PLXNA2: variants seen among roughly 807,000 people sequenced by gnomAD.
PLXNA2 encodes plexin A2.
In PLXNA2, 91 loss-of-function variants were observed where a neutral mutation model predicts 193.5. The observed-to-expected ratio is 0.47, with a 90% CI of 0.40 to 0.56. PLXNA2 has a LOEUF of 0.56. Among genes scored for constraint, PLXNA2 ranks in the 20% least tolerant of loss-of-function variants. PLXNA2 has a pLI of 0.00. For synonymous variants in PLXNA2, 997 were observed against 1,027.3 expected (o/e 0.97, Z 0.56); for missense variants, 1,995 against 2,503.2 (o/e 0.80, Z 4.33).
intron 12 of PLXNA2, among the ~76,000 whole-genome samples, chr1:208,075,749 C>G (rs1021998843): frequency 1.3e-5 from 2 of 151,798 alleles, no homozygotes; most frequent in African/African-American, 4.8e-5. Context: ...GCTTTTCTCT[C>G]TATTTATTTA....
chr1:208,061,714 C>T (rs1158545409), intron 12 of PLXNA2, among the ~76,000 whole-genome samples: 1 of 152,184 alleles, frequency 6.6e-6, no homozygotes, highest in Non-Finnish European at 1.5e-5. Context: ...CCAGGTCTCT[C>T]AAGATGTAAT....
intron 3 of PLXNA2, among the ~76,000 whole-genome samples, chr1:208,190,726 T>C (rs957994059): frequency 6.6e-6 from 1 of 152,230 alleles, no homozygotes; most frequent in East Asian, 1.9e-4. Flanking sequence ...TCACCTCCAG[T>C]TGGAAACCAC....
intron 4 of PLXNA2, among the ~76,000 whole-genome samples, chr1:208,127,679 G>T (rs1668014648): frequency 6.6e-6 from 1 of 152,160 alleles, no homozygotes; most frequent in South Asian, 2.1e-4. Context: ...AAGGGAAAAG[G>T]ATGAAAACAA....
intron 9 of PLXNA2, among the ~76,000 whole-genome samples, chr1:208,085,075 A>T (rs532114399): frequency 7.7e-6 from 1 of 130,172 alleles, no homozygotes; most frequent in African/African-American, 2.8e-5. Flanking sequence ...TACTCTAAAC[A>T]CTTGCTCTGT....
At chr1:208,102,693 G>A (rs751300750) in intron 5 of PLXNA2, among the ~76,000 whole-genome samples, 1 of 152,210 alleles carries the variant, frequency 6.6e-6, no homozygotes, top group South Asian at 2.1e-4. Context: ...GAGAAACAGA[G>A]GCCTGGAGTT....
chr1:208,244,015 G>A lies in PLXNA2; in HGVS notation c.-453C>T, dbSNP rs1672151578. The A allele has an allele frequency of 6.6e-6, 1 of 152,340 alleles. No homozygotes were observed. The highest frequency in any genetic ancestry group is 6.5e-5 in the Admixed American group (1 of 15,288). The allele number at this position is 152,340 out of a possible 1,614,324, so 9.4% of individuals were successfully genotyped here. On this transcript the variant is annotated 5_prime_UTR_variant, in exon 1 of 32. Coordinates refer to ENST00000367033, the MANE Select transcript of PLXNA2 (RefSeq NM_025179.4). ...CCGGCTGTCTTCAGATTTTTCCAGCGCGACTTTCCGGGCTCCTCTGACATC... is the reference window on the plus strand; with the variant it reads ...CCGGCTGTCTTCAGATTTTTCCAGCACGACTTTCCGGGCTCCTCTGACATC...
At chr1:208,042,926 T>G in intron 21 of PLXNA2, 135 bp downstream of exon 21, 154 of 804,964 alleles carry the variant, frequency 1.9e-4, no homozygotes, top group Non-Finnish European at 2.6e-4. Flanking sequence ...GCTCTGTTGC[T>G]GAGATGCTGT....
intron 4 of PLXNA2, among the ~76,000 whole-genome samples, chr1:208,115,827 A>G (rs937875626): frequency 2.0e-5 from 3 of 152,220 alleles, no homozygotes; most frequent in African/African-American, 7.2e-5. Flanking sequence ...CAAATCAGGG[A>G]AGGCTTTCAA....
At chr1:208,097,246 C>A (rs17187086) in intron 6 of PLXNA2, among the ~76,000 whole-genome samples, 47,964 of 152,028 alleles carry the variant, frequency 0.32, 7,932 homozygotes, top group South Asian at 0.38. Context: ...AAAGCAAGTC[C>A]TGAGCCGAGC....
chr1:208,080,174 C>G (rs1023961664), intron 11 of PLXNA2, among the ~76,000 whole-genome samples: 6 of 151,978 alleles, frequency 3.9e-5, no homozygotes, highest in Non-Finnish European at 7.4e-5. Flanking sequence ...TAAAGAAAGG[C>G]CAGGTGGCTA....
At chr1:208,165,557 C>T (rs1669273921) in intron 3 of PLXNA2, among the ~76,000 whole-genome samples, 1 of 152,140 alleles carries the variant, frequency 6.6e-6, no homozygotes, top group Non-Finnish European at 1.5e-5. Flanking sequence ...TTCGCCTTAA[C>T]CCTCCCATTA....
At position 208,044,959 on chromosome 1, in the gene PLXNA2, T is replaced by A; in HGVS notation, c.3639+108A>T. ...TGTAGGACCCAGAGATGAGGAGATA[T>A]GGAGGGGGTGAGTCAGGCAACGAGA... is the stretch of plus-strand genomic sequence containing the variant. On this transcript the variant is annotated intron_variant, in intron 19 of 31. Transcript: ENST00000367033. This position sits in a 1 kb window ranked among gnomAD's most constrained non-coding sequence, Gnocchi z 4.9. 2.3e-6 allele frequency: 3 copies of A among 1,316,302 alleles called. No individual in the cohort carries two copies. The highest frequency in any genetic ancestry group is 3.2e-6 in the Non-Finnish European group (3 of 924,084). The allele number at this position is 1,316,302 out of a possible 1,614,324, so 81.5% of individuals were successfully genotyped here.
At chr1:208,055,394 A>C (rs1280365572) in intron 13 of PLXNA2, among the ~76,000 whole-genome samples, 1 of 150,792 alleles carries the variant, frequency 6.6e-6, no homozygotes, top group Non-Finnish European at 1.5e-5. Context: ...CCTTCTAGAA[A>C]GGGTGGGCAG....
Position 208,044,443 on chromosome 1 carries a change from G to A in PLXNA2, c.3874+65C>T, listed in dbSNP as rs1571855966. On this transcript the variant is annotated intron_variant, in intron 20 of 31. Transcript: ENST00000367033. The surrounding 1 kb of genome is among the most constrained non-coding windows in gnomAD (Gnocchi z 4.9). ...GAGTAAAGATAGGAGTTGTCTGCAG[G>A]GAGAAGGGCAATAAGGCAGGTGGAG... The A allele has an allele frequency of 1.8e-6, 2 of 1,127,042 alleles. No individual in the cohort carries two copies. The highest frequency in any genetic ancestry group is 1.5e-5 in the African/African-American group (1 of 65,578). The allele number at this position is 1,127,042 out of a possible 1,614,324, so 69.8% of individuals were successfully genotyped here. A position where few individuals can be genotyped will look rare whatever the true frequency, so the allele number is the denominator to read the frequency against.
At chr1:208,239,569 C>T (rs1293839637) in intron 1 of PLXNA2, among the ~76,000 whole-genome samples, 1 of 152,192 alleles carries the variant, frequency 6.6e-6, no homozygotes, top group Non-Finnish European at 1.5e-5. Flanking sequence ...TTGGTCAGGC[C>T]TTGGACCACA....
At chr1:208,240,673 C>A (rs1672018905) in intron 1 of PLXNA2, among the ~76,000 whole-genome samples, 1 of 150,284 alleles carries the variant, frequency 6.7e-6, no homozygotes, top group South Asian at 2.1e-4. Flanking sequence ...AAGCCTGTTT[C>A]TACCAGTTTC....
At chr1:208,077,796 C>T (rs1466053035) in intron 12 of PLXNA2, among the ~76,000 whole-genome samples, 1 of 152,094 alleles carries the variant, frequency 6.6e-6, no homozygotes, top group African/African-American at 2.4e-5. Context: ...TCCCTGGTCA[C>T]GATCAAGAAT....
At chr1:208,042,650 T>A (rs1410408782) in intron 21 of PLXNA2, among the ~76,000 whole-genome samples, 4 of 152,178 alleles carry the variant, frequency 2.6e-5, no homozygotes, top group Non-Finnish European at 4.4e-5. Context: ...GAATAGGAGA[T>A]GCCCCCTCAA....
chr1:208,164,197 G>T (rs1669223169), intron 3 of PLXNA2, among the ~76,000 whole-genome samples: 1 of 152,220 alleles, frequency 6.6e-6, no homozygotes, highest in Non-Finnish European at 1.5e-5. Context: ...TACAGGGGAA[G>T]ACTTCTGTGA....
Sources: gnomAD v4.1 joint callset for allele counts (sites outside exome capture counted in the v4.1 genomes callset) on GRCh38, gnomAD v4.1.1 for gene constraint, Gnocchi (gnomAD v3.1) non-coding constraint, MANE v1.5 for transcripts, NCBI Gene and HGNC (gene_info 2026-07-23, HGNC 2026-07-21) for gene names.